Variants in CRYBG3 observed in about 807,000 individuals in gnomAD.
The protein encoded by CRYBG3 is crystallin beta-gamma domain containing 3.
Under a neutral mutation model 244.2 loss-of-function variants are expected in CRYBG3, and 127 were observed. The observed-to-expected ratio is 0.52, with a 90% CI of 0.45 to 0.60. The LOEUF (loss-of-function observed/expected upper bound fraction) is 0.60. Among genes scored for constraint, CRYBG3 ranks in the 20% least tolerant of loss-of-function variants. The pLI is 0.00. For synonymous variants in CRYBG3, 1,132 were observed against 1,195.8 expected, an observed-to-expected ratio of 0.95 and a Z score of 1.10; for missense variants, 3,325 against 3,442.5, an observed-to-expected ratio of 0.97 and a Z score of 0.85.
intron 4 of CRYBG3, among the ~76,000 whole-genome samples, chr3:97,878,540 A>G (rs1240691094): frequency 6.6e-6 from 1 of 152,250 alleles, no homozygotes; most frequent in Non-Finnish European, 1.5e-5. Flanking sequence ...ACTTAGAAAA[A>G]AAAATTGCTT....
At chr3:97,825,787 T>A (rs2038569523) in intron 1 of CRYBG3, among the ~76,000 whole-genome samples, 1 of 152,172 alleles carries the variant, frequency 6.6e-6, no homozygotes, top group Non-Finnish European at 1.5e-5. Context: ...AGGCTGCTAA[T>A]GAGCTGTGGT....
In CRYBG3 at chr3:97,875,713, A is replaced by C; in HGVS notation, c.4519A>C (p.Asn1507His). 1 of 1,232,356 alleles carries C rather than the reference A, an allele frequency of 8.1e-7. No homozygotes were observed. Among genetic ancestry groups the C allele is most frequent in the Non-Finnish European group, 1.0e-6 (1 of 988,162 alleles). The allele number at this position is 1,232,356 out of a possible 1,614,324, so 76.3% of individuals were successfully genotyped here. ...TAGCCTTGTATGTATATCTGAAAAA[A>C]ACTTGCCAGGACACAGTAAAAACAC... ...SDSLVCISEK[N>H]LPGHSKNTPL... Residue 1507 changes from asparagine to histidine, a missense_variant, in exon 4 of 22, where the codon AAC (asparagine) becomes CAC (histidine). This residue lies in a region of CRYBG3 where 635 missense variants were observed against 771.7 expected (regional missense o/e 0.82). Transcript: ENST00000389622.
intron 16 of CRYBG3, among the ~76,000 whole-genome samples, chr3:97,914,990 A>G (rs1439977794): frequency 6.6e-6 from 1 of 152,178 alleles, no homozygotes; most frequent in East Asian, 1.9e-4. Flanking sequence ...CTCACTATTG[A>G]AGATTCTAAG....
At chr3:97,832,579 TA>T (rs1348445503) in intron 1 of CRYBG3, among the ~76,000 whole-genome samples, 2 of 152,100 alleles carry the variant, frequency 1.3e-5, no homozygotes, top group African/African-American at 4.8e-5. Context: ...CAAGATGGAT[TA>T]AAGACTTAAA....
At chr3:97,843,335 C>G (rs2038848508) in intron 2 of CRYBG3, 74 bp downstream of exon 2, 1 of 801,676 alleles carries the variant, frequency 1.2e-6, no homozygotes, top group Non-Finnish European at 2.0e-6. Flanking sequence ...TAGATTCTGT[C>G]ATCTTATTTT....
intron 1 of CRYBG3, among the ~76,000 whole-genome samples, chr3:97,832,801 A>T (rs1444052381): frequency 1.3e-5 from 2 of 152,166 alleles, no homozygotes; most frequent in Admixed American, 6.5e-5. Context: ...GATGGGAGAA[A>T]TTTTTGCAAT....
rs143775334 is a variant in CRYBG3, at chr3:97,861,164, G to A, written c.217-3053G>A. ...CAAACTCTTTATCTTCTGTGCTCCA[G>A]TCTTCATCAGCCATATCCCTGCCAT... On this transcript the variant is annotated intron_variant, in intron 2 of 21. Transcript: ENST00000389622. Among the ~76,000 whole-genome samples, 9 of 152,122 alleles carry A rather than the reference G, an allele frequency of 5.9e-5. 1 individual carries two copies. The highest frequency in any genetic ancestry group is 2.2e-4 in the African/African-American group (9 of 41,506).
intron 17 of CRYBG3, chr3:97,924,323 C>A (rs2040016070): frequency 2.5e-6 from 1 of 398,728 alleles, no homozygotes; most frequent in Non-Finnish European, 4.8e-6. Flanking sequence ...AACTTTACAA[C>A]TTAGAAGAAA....
At position 97,915,616 on chromosome 3, in the gene CRYBG3, C is replaced by T. The variant is rs769796596; in HGVS notation, c.8121C>T (p.Leu2707=). The T allele has an allele frequency of 1.9e-6, 3 of 1,609,134 alleles. No individual in the cohort carries two copies. The highest frequency in any genetic ancestry group is 2.6e-6 in the Non-Finnish European group (3 of 1,176,448). Residue 2707 remains leucine (L), a synonymous_variant, in exon 17 of 22, where the codon CTC becomes CTT. Coordinates refer to ENST00000389622, the MANE Select transcript of CRYBG3 (RefSeq NM_153605.4). The part of the protein sequence containing the change: ...CSFKVLRGCW[L]LYYQEDMFVN... ...CTTACTGCTTGGCTTTTAGCTGGCTCCTCTATTACCAAGAAGACATGTTTG... is the reference window on the plus strand; with the variant it reads ...CTTACTGCTTGGCTTTTAGCTGGCTTCTCTATTACCAAGAAGACATGTTTG...
intron 19 of CRYBG3, 88 bp downstream of exon 19, chr3:97,936,996 T>G: frequency 2.1e-6 from 3 of 1,447,632 alleles, no homozygotes; most frequent in Non-Finnish European, 2.8e-6. Flanking sequence ...AATGATCATT[T>G]AATTTAGTTT....
rs2040283510 is a variant in CRYBG3 at position 97,943,584 on chromosome 3, C to T, written c.*270C>T. 2.6e-6 allele frequency: 1 copy of T among 383,070 alleles called. No individual in the cohort carries two copies. The highest frequency in any genetic ancestry group is 4.6e-6 in the Non-Finnish European group (1 of 215,980). The allele number at this position is 383,070 out of a possible 1,614,324, so 23.7% of individuals were successfully genotyped here. On this transcript the variant is annotated 3_prime_UTR_variant, in exon 22 of 22. Coordinates refer to ENST00000389622, the MANE Select transcript of CRYBG3 (RefSeq NM_153605.4). ...TCTCCAGCTGTGGTGAGCAAGTTTC[C>T]TGAAGTGTTTATTTTCTCTCATATC...
Position 97,873,071 on chromosome 3 carries a change from A to T in CRYBG3, c.1877A>T (p.Asp626Val), listed in dbSNP as rs927269291. 16 of 1,534,434 alleles carry T rather than the reference A, an allele frequency of 1.0e-5. No homozygotes were observed. The highest frequency in any genetic ancestry group is 2.0e-5 in the Admixed American group (1 of 50,662). The change falls in exon 4 of 22, where the codon GAC (aspartate) becomes GTC (valine). Residue 626 changes from aspartate to valine, a missense_variant. Coordinates refer to ENST00000389622, the MANE Select transcript of CRYBG3 (RefSeq NM_153605.4). ...AGTCACATTTCAGAAACTCCTCTTG[A>T]CTCTGAGAGTCCTCAACAAGCTGAA... is the stretch of plus-strand genomic sequence containing the variant. ...NRSHISETPL[D>V]SESPQQAEVS...
chr3:97,868,579 T>C (rs571886957), intron 3 of CRYBG3, among the ~76,000 whole-genome samples: 1 of 152,296 alleles, frequency 6.6e-6, no homozygotes, highest in Admixed American at 6.5e-5. Flanking sequence ...TAGTTAGAAA[T>C]TTAAACCAGT....
At chr3:97,866,144 T>C (rs896858372) in intron 3 of CRYBG3, among the ~76,000 whole-genome samples, 8 of 152,136 alleles carry the variant, frequency 5.3e-5, no homozygotes, top group Admixed American at 6.5e-5. Flanking sequence ...CCCTGTTAAA[T>C]TGATAACAAT....
At position 97,942,312 on chromosome 3, in the gene CRYBG3, G is replaced by A. The variant is rs372129129; in HGVS notation, c.8693G>A (p.Gly2898Asp). The change falls in exon 21 of 22, where the codon GGT (glycine) becomes GAT (aspartate). Residue 2898 changes from glycine to aspartate, a missense_variant. Coordinates refer to ENST00000389622, the MANE Select transcript of CRYBG3 (RefSeq NM_153605.4). ...AGTGATACATGTCTTGATGTGATTGGTGGCCGGGACACACCTGGAGCTAAA... is the reference window on the plus strand; with the variant it reads ...AGTGATACATGTCTTGATGTGATTGATGGCCGGGACACACCTGGAGCTAAA... ...KASDTCLDVI[G>D]GRDTPGAKVA... 8 of 1,610,282 alleles carry A rather than the reference G, an allele frequency of 5.0e-6. No individual in the cohort carries two copies. Among genetic ancestry groups the A allele is most frequent in the Non-Finnish European group, 6.8e-6 (8 of 1,177,822 alleles).
intron 15 of CRYBG3, among the ~76,000 whole-genome samples, chr3:97,901,051 A>T (rs2039701466): frequency 6.6e-6 from 1 of 152,168 alleles, no homozygotes; most frequent in South Asian, 2.1e-4. Flanking sequence ...AGAAGTCCAT[A>T]AGGTCAGTAT....
intron 15 of CRYBG3, among the ~76,000 whole-genome samples, chr3:97,909,056 A>C (rs1342856144): frequency 6.6e-6 from 1 of 152,082 alleles, no homozygotes; most frequent in Non-Finnish European, 1.5e-5. Context: ...TCTTTTCTTT[A>C]AGAATGTTGA....
At chr3:97,926,726 A>G (rs1010473834) in intron 17 of CRYBG3, among the ~76,000 whole-genome samples, 2 of 152,112 alleles carry the variant, frequency 1.3e-5, no homozygotes, top group South Asian at 4.1e-4. Flanking sequence ...GTAATATTTC[A>G]GGATACAAAA....
chr3:97,915,399 G>A (rs769379448), intron 16 of CRYBG3, among the ~76,000 whole-genome samples: 2 of 152,136 alleles, frequency 1.3e-5, no homozygotes, highest in Non-Finnish European at 1.5e-5. Flanking sequence ...AATAGTATAT[G>A]TAAAGTGCCC....
Sources: allele counts gnomAD v4.1 joint callset (sites outside exome capture counted in the v4.1 genomes callset), GRCh38; gene constraint gnomAD v4.1.1; regional missense constraint gnomAD v4.1.1; transcripts MANE v1.5; gene names NCBI Gene and HGNC (gene_info 2026-07-23, HGNC 2026-07-21).